KIAA1549: variants seen among roughly 807,000 people sequenced by gnomAD.
The protein encoded by KIAA1549 is KIAA1549.
KIAA1549 carries 70 observed loss-of-function variants against 156.4 expected under a neutral mutation model. That is an observed-to-expected ratio of 0.45 (90% CI 0.37 to 0.55). The LOEUF is 0.55. Among genes scored for constraint, KIAA1549 ranks in the 20% least tolerant of loss-of-function variants. KIAA1549 has a pLI of 0.00. For missense variants in KIAA1549, 2,428 were observed against 2,540.9 expected, an observed-to-expected ratio of 0.96 and a Z score of 0.96; for synonymous variants, 1,103 against 1,066.4, an observed-to-expected ratio of 1.03 and a Z score of -0.67.
intron 12 of KIAA1549, among the ~76,000 whole-genome samples, chr7:138,871,775 G>T (rs1810945483): frequency 6.6e-6 from 1 of 152,194 alleles, no homozygotes; most frequent in Non-Finnish European, 1.5e-5. Context: ...CATCTGGCAG[G>T]GAGCTCGCTG....
rs772074782 is a variant in KIAA1549, at chr7:138,844,326, C to G, written c.5443G>C (p.Gly1815Arg). 6.2e-7 allele frequency: 1 copy of G among 1,613,822 alleles called. No individual in the cohort carries two copies. The highest frequency in any genetic ancestry group is 1.3e-5 in the African/African-American group (1 of 74,938). Residue 1815 changes from glycine (G) to arginine (R), a missense_variant, in exon 18 of 20, where the codon GGT (glycine) becomes CGT (arginine). Around this residue, in one of 5 missense-constraint regions of KIAA1549, gnomAD observed 363 missense variants for 354.0 expected, o/e 1.03. Transcript: ENST00000422774. ...PSVARPRPVG[G>R]TTGSQIQHLT... is the part of the protein sequence containing the mutation. ...AAACAGCCACATATACCTGTGGTACCCCCGACAGGCCGAGGCCGGGCCACC... is the reference window on the plus strand; with the variant it reads ...AAACAGCCACATATACCTGTGGTACGCCCGACAGGCCGAGGCCGGGCCACC...
At chr7:138,950,383 G>C (rs1584778924) in intron 1 of KIAA1549, among the ~76,000 whole-genome samples, 2 of 152,088 alleles carry the variant, frequency 1.3e-5, no homozygotes, top group African/African-American at 4.8e-5. Context: ...GAAAAGGAAA[G>C]CCTGCCTCTA....
chr7:138,913,309 C>T (rs1474179243), intron 2 of KIAA1549, among the ~76,000 whole-genome samples: 3 of 152,110 alleles, frequency 2.0e-5, no homozygotes, highest in Non-Finnish European at 2.9e-5. Context: ...TGGGGAAAAA[C>T]GAATTCCACA....
In KIAA1549 at chr7:138,835,552, G is replaced by A. The variant is rs1320209428; in HGVS notation, c.*2354C>T. 4.5e-6 allele frequency: 1 copy of A among 224,346 alleles called. No individual in the cohort carries two copies. Among genetic ancestry groups the A allele is most frequent in the Non-Finnish European group, 8.9e-6 (1 of 112,570 alleles). The allele number at this position is 224,346 out of a possible 1,614,324, so 13.9% of individuals were successfully genotyped here. ...TTTAGCACACTCTATGTGCAAGCCT[G>A]TATGGCCCTGAGCGGAACTGGGTGA... On this transcript the variant is annotated 3_prime_UTR_variant, in exon 20 of 20. Transcript: ENST00000422774.
At chr7:138,846,824 T>G (rs778792056) in intron 17 of KIAA1549, among the ~76,000 whole-genome samples, 2 of 152,318 alleles carry the variant, frequency 1.3e-5, no homozygotes, top group Non-Finnish European at 2.9e-5. Context: ...AATTCACAGA[T>G]GTAACCAGTT....
intron 15 of KIAA1549, among the ~76,000 whole-genome samples, chr7:138,864,313 G>A (rs1178045522): frequency 3.3e-5 from 5 of 152,122 alleles, no homozygotes; most frequent in Admixed American, 3.3e-4. Context: ...TTCAGAGAAG[G>A]CTAAACTTCT....
chr7:138,914,459 G>T (rs1055369799), intron 2 of KIAA1549, among the ~76,000 whole-genome samples: 8 of 152,220 alleles, frequency 5.3e-5, no homozygotes, highest in African/African-American at 1.9e-4. Flanking sequence ...GCAGGCAAGT[G>T]CTTCCTCCGC....
intron 16 of KIAA1549, among the ~76,000 whole-genome samples, chr7:138,856,228 C>T (rs1042941405): frequency 2.0e-5 from 3 of 150,876 alleles, no homozygotes; most frequent in African/African-American, 7.3e-5. Context: ...TTAGTAGAGA[C>T]GGGGTTTCAC....
At chr7:138,920,636 A>G (rs1359952649) in intron 1 of KIAA1549, among the ~76,000 whole-genome samples, 3 of 152,218 alleles carry the variant, frequency 2.0e-5, no homozygotes, top group Non-Finnish European at 2.9e-5. Flanking sequence ...GGTATGACAT[A>G]GCCTAGAGAA....
intron 1 of KIAA1549, among the ~76,000 whole-genome samples, chr7:138,972,897 C>G (rs2013525): frequency 6.6e-6 from 1 of 151,998 alleles, no homozygotes; most frequent in Non-Finnish European, 1.5e-5. Context: ...TCTCAGCTCA[C>G]TGTAACATCC....
chr7:138,963,211 A>G (rs1411611751), intron 1 of KIAA1549, among the ~76,000 whole-genome samples: 2 of 152,228 alleles, frequency 1.3e-5, no homozygotes, highest in Non-Finnish European at 2.9e-5. Flanking sequence ...ACCCAAAACA[A>G]AGATGGAAGA....
intron 1 of KIAA1549, among the ~76,000 whole-genome samples, chr7:138,923,587 G>A (rs1043609956): frequency 2.7e-5 from 4 of 150,748 alleles, no homozygotes; most frequent in African/African-American, 9.8e-5. Flanking sequence ...GCAACAGAGC[G>A]AGACTCCATC....
At chr7:138,890,750 C>T (rs1356375195) in intron 10 of KIAA1549, among the ~76,000 whole-genome samples, 2 of 152,244 alleles carry the variant, frequency 1.3e-5, no homozygotes, top group Admixed American at 6.5e-5. Flanking sequence ...TTTCAATTCA[C>T]TGTCCATACT....
At chr7:138,904,772 C>CA (rs1811960413) in intron 7 of KIAA1549, among the ~76,000 whole-genome samples, 2 of 151,678 alleles carry the variant, frequency 1.3e-5, no homozygotes, top group Admixed American at 6.6e-5. Context: ...AGAAGATTGT[C>CA]AGTTCCTGTT....
At chr7:138,927,881 A>G (rs1213495491) in intron 1 of KIAA1549, among the ~76,000 whole-genome samples, 2 of 150,878 alleles carry the variant, frequency 1.3e-5, no homozygotes, top group Admixed American at 6.6e-5. Context: ...CACCTTTTCA[A>G]TATCTGCGGG....
At chr7:138,946,411 CTCTT>C (rs1455572580) in intron 1 of KIAA1549, among the ~76,000 whole-genome samples, 1 of 152,182 alleles carries the variant, frequency 6.6e-6, no homozygotes, top group Non-Finnish European at 1.5e-5. Flanking sequence ...GGTACAATTA[CTCTT>C]TCTTTCGCTT....
intron 1 of KIAA1549, among the ~76,000 whole-genome samples, chr7:138,932,583 T>C (rs1812902076): frequency 6.6e-6 from 1 of 152,224 alleles, no homozygotes; most frequent in Non-Finnish European, 1.5e-5. Flanking sequence ...TACCTCTTGC[T>C]GCTGTGTGCA....
rs1281536005 is a variant in KIAA1549 at position 138,832,236 on chromosome 7, GC to G, written c.*5669del. On this transcript the variant is annotated 3_prime_UTR_variant, in exon 20 of 20. Coordinates refer to ENST00000422774, the MANE Select transcript of KIAA1549 (RefSeq NM_001164665.2). ...TCCAGAGACAGGACCTCACCCTGCA[GC>G]CCAGGCTGGAGTGCAGTGGCGTGAT... 5.3e-6 allele frequency: 1 copy of G among 186,974 alleles called. No homozygotes were observed. Among genetic ancestry groups the G allele is most frequent in the Non-Finnish European group, 1.0e-5 (1 of 96,830 alleles). The allele number at this position is 186,974 out of a possible 1,614,324, so 11.6% of individuals were successfully genotyped here.
intron 1 of KIAA1549, among the ~76,000 whole-genome samples, chr7:138,941,215 C>T (rs1408538358): frequency 6.6e-6 from 1 of 152,146 alleles, no homozygotes; most frequent in Non-Finnish European, 1.5e-5. Context: ...GAGTTCAATA[C>T]AAAGATGCTG....
Sources: gnomAD v4.1 joint callset for allele counts (sites outside exome capture counted in the v4.1 genomes callset) on GRCh38, gnomAD v4.1.1 for gene constraint, gnomAD v4.1.1 regional missense constraint, MANE v1.5 for transcripts, NCBI Gene and HGNC (gene_info 2026-07-23, HGNC 2026-07-21) for gene names.